Variants in USH2A observed in about 807,000 individuals in gnomAD.
USH2A encodes the protein usherin, also known as Usher syndrome 2A (autosomal recessive, mild).
Under a neutral mutation model 538.9 loss-of-function variants are expected in USH2A, and 443 were observed. The observed-to-expected ratio is 0.82, with a 90% CI of 0.76 to 0.89. The LOEUF (loss-of-function observed/expected upper bound fraction) is 0.89. USH2A is among the 40% of genes least tolerant of loss of function. The pLI, the probability that USH2A is intolerant of heterozygous loss-of-function variation, is 0.00. For synonymous variants in USH2A, 2,413 were observed against 2,273.5 expected (o/e 1.06, Z -1.75); for missense variants, 6,633 against 6,324.8 (o/e 1.05, Z -1.65).
At chr1:215,828,914 T>C (rs923194325) in intron 47 of USH2A, among the ~76,000 whole-genome samples, 2 of 152,168 alleles carry the variant, frequency 1.3e-5, no homozygotes, top group African/African-American at 2.4e-5. Context: ...GCTGCAGTGT[T>C]TGTCATATTT....
chr1:215,744,155 T>C (rs923670356), intron 58 of USH2A, among the ~76,000 whole-genome samples: 1 of 152,210 alleles, frequency 6.6e-6, no homozygotes, highest in Admixed American at 6.5e-5. Context: ...CTGTCTGACA[T>C]GGATCCTTGA....
intron 64 of USH2A, among the ~76,000 whole-genome samples, chr1:215,652,011 C>CAT (rs1287984764): frequency 1.3e-5 from 2 of 152,236 alleles, no homozygotes; most frequent in Non-Finnish European, 2.9e-5. Flanking sequence ...AACCTACTTA[C>CAT]ATAGATACAC....
At chr1:215,739,762 C>CT (rs1182032231) in intron 60 of USH2A, among the ~76,000 whole-genome samples, 2 of 152,106 alleles carry the variant, frequency 1.3e-5, no homozygotes, top group African/African-American at 4.8e-5. Flanking sequence ...ATACTTTCTC[C>CT]TTTCGTAATT....
intron 11 of USH2A, among the ~76,000 whole-genome samples, chr1:216,279,521 C>T (rs191489524): frequency 6.6e-6 from 1 of 152,236 alleles, no homozygotes; most frequent in Non-Finnish European, 1.5e-5. Context: ...AAAAGTGGTT[C>T]ACAGACAGGC....
chr1:216,102,692 C>G (rs1571962549), intron 21 of USH2A, among the ~76,000 whole-genome samples: 1 of 151,940 alleles, frequency 6.6e-6, no homozygotes, highest in African/African-American at 2.4e-5. Flanking sequence ...CCCAGCTACT[C>G]GGGAGGCTGA....
At position 215,960,444 on chromosome 1, in the gene USH2A, T is replaced by TG. The variant is rs143945455; in HGVS notation, c.7120+4872dup. Among the ~76,000 whole-genome samples, 991 of 152,182 alleles carry TG rather than the reference T, an allele frequency of 6.5e-3. 12 individuals are homozygous for TG. Among genetic ancestry groups the TG allele is most frequent in the African/African-American group, 0.023 (936 of 41,514 alleles). On this transcript the variant is annotated intron_variant, in intron 37 of 71. Coordinates refer to ENST00000307340, the MANE Select transcript of USH2A (RefSeq NM_206933.4). ...TAAATTGATAGTTAATTCATATGTG[T>TG]GAAAAAATACTGAAGATGTTGTAAA...
chr1:216,265,161 C>T (rs1223633598), intron 11 of USH2A, among the ~76,000 whole-genome samples: 1 of 141,156 alleles, frequency 7.1e-6, no homozygotes, highest in African/African-American at 3.2e-5. Flanking sequence ...ACTCAATGGC[C>T]CCAAATAATC....
intron 11 of USH2A, among the ~76,000 whole-genome samples, chr1:216,287,789 C>A (rs1329378212): frequency 6.6e-6 from 1 of 152,062 alleles, no homozygotes; most frequent in East Asian, 1.9e-4. Flanking sequence ...AAGCTCTTGA[C>A]CTTAGATTTT....
At chr1:216,214,489 G>A (rs2035305536) in intron 15 of USH2A, among the ~76,000 whole-genome samples, 3 of 151,940 alleles carry the variant, frequency 2.0e-5, no homozygotes, top group Admixed American at 2.0e-4. Context: ...AAAACTCATG[G>A]GAAAGGCAAA....
chr1:215,971,261 A>G, intron 35 of USH2A, among the ~76,000 whole-genome samples: 1 of 152,168 alleles, frequency 6.6e-6, no homozygotes, highest in African/African-American at 2.4e-5. Flanking sequence ...GCATTCCTAT[A>G]ACAGGCAAAG....
At chr1:215,948,613 ACAATGCCTT>A (rs1289180048) in intron 37 of USH2A, among the ~76,000 whole-genome samples, 1 of 151,984 alleles carries the variant, frequency 6.6e-6, no homozygotes, top group Non-Finnish European at 1.5e-5. Context: ...TGGATTTACC[ACAATGCCTT>A]CAATCCATAT....
rs1476689874 is a variant in USH2A, at chr1:216,289,429, AT to A, written c.1841-20del. ...TTCCTTCCTGCATCAGGGAAAGGTT[AT>A]GCATTATGACTTCTAATTCATTAAA... On this transcript the variant is annotated intron_variant, in intron 10 of 71. Transcript: ENST00000307340. 1 of 1,613,574 alleles carries A rather than the reference AT, an allele frequency of 6.2e-7. No homozygotes were observed. Among genetic ancestry groups the A allele is most frequent in the African/African-American group, 1.3e-5 (1 of 74,920 alleles).
chr1:215,745,896 T>C (rs1190407468), intron 58 of USH2A, among the ~76,000 whole-genome samples: 2 of 152,160 alleles, frequency 1.3e-5, no homozygotes, highest in Non-Finnish European at 2.9e-5. Context: ...AAATGATGGA[T>C]AAGTAAAAAT....
At chr1:216,338,417 A>C (rs1213536020) in intron 4 of USH2A, among the ~76,000 whole-genome samples, 1 of 151,676 alleles carries the variant, frequency 6.6e-6, no homozygotes, top group African/African-American at 2.4e-5. Flanking sequence ...AATAAAGATA[A>C]GTTAAAATTA....
chr1:215,849,416 G>T (rs560397441), intron 44 of USH2A, among the ~76,000 whole-genome samples: 25 of 152,216 alleles, frequency 1.6e-4, no homozygotes, highest in African/African-American at 5.5e-4. Context: ...GAATTAAAAC[G>T]TACGTTGAAA....
intron 21 of USH2A, chr1:216,174,609 T>C: frequency 2.0e-6 from 2 of 982,378 alleles, no homozygotes; most frequent in Non-Finnish European, 2.4e-6. Context: ...AGTTTTTTAG[T>C]GCCTTTAAAT....
intron 42 of USH2A, among the ~76,000 whole-genome samples, chr1:215,878,086 C>G (rs1019936724): frequency 6.6e-6 from 1 of 151,976 alleles, no homozygotes; most frequent in African/African-American, 2.4e-5. Context: ...TTTGAAGAAT[C>G]AGTTACATTC....
At chr1:215,986,832 C>A (rs923939242) in intron 35 of USH2A, among the ~76,000 whole-genome samples, 1 of 152,082 alleles carries the variant, frequency 6.6e-6, no homozygotes, top group Non-Finnish European at 1.5e-5. Flanking sequence ...TTAATTCATT[C>A]GACAGCTTTA....
chr1:216,040,803 T>C (rs2030240460), intron 32 of USH2A, among the ~76,000 whole-genome samples: 1 of 152,002 alleles, frequency 6.6e-6, no homozygotes, highest in Non-Finnish European at 1.5e-5. Flanking sequence ...AGCTTTAAAG[T>C]ACAATTGTTT....
Sources: allele counts gnomAD v4.1 joint callset (sites outside exome capture counted in the v4.1 genomes callset), GRCh38; gene constraint gnomAD v4.1.1; transcripts MANE v1.5; gene names NCBI Gene and HGNC (gene_info 2026-07-23, HGNC 2026-07-21).